AKAP19: variants seen among roughly 807,000 people sequenced by gnomAD.
AKAP19 encodes A-kinase anchoring protein 19.
the AKAP19 span, among the ~76,000 whole-genome samples, chr2:190,161,669 C>T: frequency 6.6e-6 from 1 of 152,136 alleles, no homozygotes; most frequent in South Asian, 2.1e-4. Context: ...GTTACAGACG[C>T]TTATGCAGAA....
the AKAP19 span, among the ~76,000 whole-genome samples, chr2:189,960,372 G>A: frequency 2.0e-5 from 3 of 152,174 alleles, no homozygotes; most frequent in Admixed American, 2.0e-4. Context: ...GAAATACGTG[G>A]CTTAGGCAGC....
chr2:190,165,728 A>G, the AKAP19 span, among the ~76,000 whole-genome samples: 1 of 152,212 alleles, frequency 6.6e-6, no homozygotes, highest in South Asian at 2.1e-4. Context: ...GCAATAGTCA[A>G]AGAGATAATA....
chr2:189,978,747 C>T, the AKAP19 span, among the ~76,000 whole-genome samples: 1 of 152,122 alleles, frequency 6.6e-6, no homozygotes, highest in Non-Finnish European at 1.5e-5. Flanking sequence ...TTTTTTATGG[C>T]TATGTGGTAT....
At chr2:189,923,246 C>G in the AKAP19 span, 1 of 1,341,716 alleles carries the variant, frequency 7.5e-7, no homozygotes, top group Non-Finnish European at 1.0e-6. Context: ...CTTCTCTACG[C>G]AGAACCCGGG....
At chr2:189,998,771 C>CTTTTTTTTTTTTTTTTTTTTTTTTCT in the AKAP19 span, among the ~76,000 whole-genome samples, 4 of 97,546 alleles carry the variant, frequency 4.1e-5, no homozygotes, top group Middle Eastern at 5.4e-3. Flanking sequence ...TTCTTTCTTT[C>CTTTTTTTTTTTTTTTTTTTTTTTTCT]TTTTTTTTTT....
chr2:190,177,497 G>A, the AKAP19 span, among the ~76,000 whole-genome samples: 1 of 152,200 alleles, frequency 6.6e-6, no homozygotes, highest in African/African-American at 2.4e-5. This position sits in a 1 kb window ranked among gnomAD's most constrained non-coding sequence, Gnocchi z 4.6. Flanking sequence ...GATCCTTCCT[G>A]ACAAGGCCAC....
the AKAP19 span, among the ~76,000 whole-genome samples, chr2:190,176,734 T>C: frequency 6.6e-6 from 1 of 152,234 alleles, no homozygotes; most frequent in African/African-American, 2.4e-5. The surrounding 1 kb of genome is among the most constrained non-coding windows in gnomAD (Gnocchi z 4.7). Flanking sequence ...AAAGAATCAA[T>C]ACACCATTTC....
At chr2:190,181,574 G>A in the AKAP19 span, among the ~76,000 whole-genome samples, 1 of 152,166 alleles carries the variant, frequency 6.6e-6, no homozygotes, top group African/African-American at 2.4e-5. Context: ...GGAGTAGACG[G>A]GTAAGATCCT....
the AKAP19 span, among the ~76,000 whole-genome samples, chr2:189,937,936 A>G: frequency 6.6e-6 from 1 of 152,254 alleles, no homozygotes; most frequent in African/African-American, 2.4e-5. Flanking sequence ...GGAAATTGGC[A>G]TACTGAAGAG....
the AKAP19 span, among the ~76,000 whole-genome samples, chr2:189,980,397 G>T: frequency 6.6e-6 from 1 of 152,116 alleles, no homozygotes; most frequent in Non-Finnish European, 1.5e-5. Context: ...GGAGTGCAGT[G>T]GTGCAATCTC....
chr2:189,969,914 C>T, the AKAP19 span, among the ~76,000 whole-genome samples: 3 of 144,552 alleles, frequency 2.1e-5, no homozygotes, highest in Non-Finnish European at 3.0e-5. Flanking sequence ...CTCTGGTTGC[C>T]CAAGCTGGAG....
At chr2:190,192,055 T>A in the AKAP19 span, among the ~76,000 whole-genome samples, 49 of 152,266 alleles carry the variant, frequency 3.2e-4, no homozygotes, top group Non-Finnish European at 5.4e-4. Context: ...AGATCGCAAA[T>A]GTTTTGTCTT....
the AKAP19 span, among the ~76,000 whole-genome samples, chr2:189,982,602 C>T: frequency 2.2e-4 from 33 of 151,364 alleles, no homozygotes; most frequent in Non-Finnish European, 2.9e-4. Flanking sequence ...TTGATTCCTC[C>T]TCATTCAAGG....
chr2:189,978,398 A>C, the AKAP19 span, among the ~76,000 whole-genome samples: 6 of 152,052 alleles, frequency 3.9e-5, no homozygotes, highest in African/African-American at 9.7e-5. Context: ...AGGCGGGCAG[A>C]TCACTTGAGG....
chr2:190,027,900 G>T, the AKAP19 span, among the ~76,000 whole-genome samples: 1 of 152,136 alleles, frequency 6.6e-6, no homozygotes. Flanking sequence ...TATGAATTTA[G>T]ATGCAAGGGT....
chr2:190,079,903 G>GAC, the AKAP19 span: 1 of 151,892 alleles, frequency 6.6e-6, no homozygotes, highest in Non-Finnish European at 1.5e-5. Flanking sequence ...GAGAGAGAGA[G>GAC]AGAGAGAAAG....
the AKAP19 span, among the ~76,000 whole-genome samples, chr2:189,919,048 G>A: frequency 6.6e-6 from 1 of 152,136 alleles, no homozygotes; most frequent in African/African-American, 2.4e-5. Context: ...TTTAAATTTT[G>A]GCACATTCTG....
chr2:189,963,001 T>C, the AKAP19 span, among the ~76,000 whole-genome samples: 1 of 152,120 alleles, frequency 6.6e-6, no homozygotes, highest in Non-Finnish European at 1.5e-5. Context: ...TCAAGCCCTG[T>C]TACTACTTTA....
chr2:189,918,438 A>G, the AKAP19 span, among the ~76,000 whole-genome samples: 1 of 152,076 alleles, frequency 6.6e-6, no homozygotes, highest in Non-Finnish European at 1.5e-5. Context: ...TCCAGTAAAA[A>G]CACCCTAGAC....
Sources: allele counts gnomAD v4.1 joint callset (sites outside exome capture counted in the v4.1 genomes callset), GRCh38; gene constraint gnomAD v4.1.1; non-coding constraint Gnocchi (gnomAD v3.1); transcripts MANE v1.5; gene names NCBI Gene and HGNC (gene_info 2026-07-23, HGNC 2026-07-21).